Variants in ITGB3BP observed in about 807,000 individuals in gnomAD.
ITGB3BP encodes the protein integrin subunit beta 3 binding protein, also known as centromere protein R.
ITGB3BP carries 27 observed loss-of-function variants against 29.1 expected under a neutral mutation model. The ratio of observed to expected loss-of-function variants is 0.93; its 90% CI spans 0.68 to 1.28. The LOEUF is 1.28. Among genes scored for constraint, ITGB3BP ranks in the 50% most tolerant of loss-of-function variants. ITGB3BP has a pLI of 0.00. For synonymous variants in ITGB3BP, 61 were observed against 61.4 expected (o/e 0.99, Z 0.03); for missense variants, 192 against 200.2 (o/e 0.96, Z 0.25).
chr1:63,447,787 T>C (rs1644807056), intron 7 of ITGB3BP: 1 of 359,824 alleles, frequency 2.8e-6, no homozygotes, highest in African/African-American at 2.1e-5. Flanking sequence ...CTCAGGGATC[T>C]AGAACTAGAA....
chr1:63,463,735 G>GT (rs1391487546), intron 4 of ITGB3BP, among the ~76,000 whole-genome samples: 6 of 152,068 alleles, frequency 3.9e-5, no homozygotes, highest in Admixed American at 1.3e-4. Flanking sequence ...ACGTGTAGCT[G>GT]TTTTTTTACA....
intron 4 of ITGB3BP, among the ~76,000 whole-genome samples, chr1:63,471,130 C>T (rs1164607803): frequency 1.3e-5 from 2 of 152,194 alleles, no homozygotes; most frequent in South Asian, 2.1e-4. Context: ...CAAATCTTTT[C>T]ACGCTGGGCT....
upstream of ITGB3BP, among the ~76,000 whole-genome samples, chr1:63,526,973 C>T (rs1646602909): frequency 6.6e-6 from 1 of 152,210 alleles, no homozygotes; most frequent in Admixed American, 6.5e-5. Context: ...CCATGTTGGC[C>T]AGGCTGGTCT....
At chr1:63,523,260 C>A, upstream of ITGB3BP, 1 of 1,278,526 alleles carries the variant, frequency 7.8e-7, no homozygotes, top group Non-Finnish European at 1.1e-6. Context: ...TCAAGCCCAC[C>A]GCGGCCGGGC....
chr1:63,487,080 T>C (rs772531125), intron 3 of ITGB3BP, among the ~76,000 whole-genome samples: 15 of 152,080 alleles, frequency 9.9e-5, no homozygotes, highest in Non-Finnish European at 1.8e-4. Context: ...TTAGTTTTGA[T>C]AAATTTTATT....
chr1:63,513,296 G>A (rs1646241310), intron 1 of ITGB3BP, among the ~76,000 whole-genome samples: 1 of 151,996 alleles, frequency 6.6e-6, no homozygotes, highest in African/African-American at 2.4e-5. Flanking sequence ...AGATTTTTAT[G>A]TTAGCCAATG....
intron 4 of ITGB3BP, among the ~76,000 whole-genome samples, chr1:63,474,622 G>T (rs1645296922): frequency 6.6e-6 from 1 of 151,962 alleles, no homozygotes; most frequent in Non-Finnish European, 1.5e-5. Context: ...TCTGAAACAT[G>T]TGCTGTGTCC....
chr1:63,482,649 A>AATT (rs1423439315), intron 3 of ITGB3BP, among the ~76,000 whole-genome samples: 6 of 129,836 alleles, frequency 4.6e-5, no homozygotes, highest in African/African-American at 1.8e-4. Context: ...AACAATGTTA[A>AATT]TTTTTTTTTT....
upstream of ITGB3BP, chr1:63,523,521 G>C (rs1646513530): frequency 3.5e-6 from 1 of 284,894 alleles, no homozygotes; most frequent in Admixed American, 4.8e-5. Context: ...TGGCGGTGAG[G>C]TGCAGTTGCC....
chr1:63,457,930 G>C (rs1321792969), intron 4 of ITGB3BP: 2 of 152,036 alleles, frequency 1.3e-5, no homozygotes, highest in African/African-American at 4.8e-5. Context: ...TTTCATCGTA[G>C]AGTAAAAACC....
chr1:63,484,370 C>T (rs769917575), intron 3 of ITGB3BP, among the ~76,000 whole-genome samples: 5 of 151,768 alleles, frequency 3.3e-5, no homozygotes, highest in Non-Finnish European at 5.9e-5. Flanking sequence ...TAGGAAGGGA[C>T]GACTGTATAA....
intron 2 of ITGB3BP, among the ~76,000 whole-genome samples, chr1:63,495,722 C>CA (rs1038662385): frequency 1.3e-5 from 2 of 151,922 alleles, no homozygotes; most frequent in African/African-American, 4.8e-5. Flanking sequence ...GCTATTCAAG[C>CA]AAAAAAAGTG....
chr1:63,470,637 T>C (rs1163979380), intron 4 of ITGB3BP, among the ~76,000 whole-genome samples: 1 of 152,236 alleles, frequency 6.6e-6, no homozygotes, highest in African/African-American at 2.4e-5. Flanking sequence ...AATACCATAA[T>C]TTGTTTATCC....
chr1:63,477,716 AG>A (rs1286308242), intron 4 of ITGB3BP, among the ~76,000 whole-genome samples: 3 of 148,010 alleles, frequency 2.0e-5, no homozygotes, highest in Non-Finnish European at 4.5e-5. Context: ...TGAGACAATC[AG>A]GGAAAAAAAA....
chr1:63,511,977 AT>A (rs546371773), intron 1 of ITGB3BP, among the ~76,000 whole-genome samples: 14 of 151,962 alleles, frequency 9.2e-5, no homozygotes, highest in Admixed American at 2.0e-4. Context: ...AAAATAGATA[AT>A]TTTTTTAAAG....
chr1:63,502,147 G>C (rs1386727589), intron 2 of ITGB3BP, among the ~76,000 whole-genome samples: 6 of 152,148 alleles, frequency 3.9e-5, no homozygotes, highest in Admixed American at 6.5e-5. Flanking sequence ...GCAACAGTTT[G>C]TAATATATAA....
At chr1:63,450,199 T>C (rs1216566783) in intron 7 of ITGB3BP, among the ~76,000 whole-genome samples, 3 of 151,938 alleles carry the variant, frequency 2.0e-5, no homozygotes, top group Admixed American at 6.6e-5. Flanking sequence ...TATTTTCTAT[T>C]ACAAACAGCT....
At chr1:63,496,153 T>C (rs1208526609) in intron 2 of ITGB3BP, among the ~76,000 whole-genome samples, 1 of 151,206 alleles carries the variant, frequency 6.6e-6, no homozygotes, top group Admixed American at 6.6e-5. Context: ...AGTGCAGTGG[T>C]GCGATCACGG....
At chr1:63,481,920 T>A (rs143191806) in intron 3 of ITGB3BP, among the ~76,000 whole-genome samples, 6 of 152,162 alleles carry the variant, frequency 3.9e-5, no homozygotes, top group Non-Finnish European at 8.8e-5. Context: ...TGAGTGAGGA[T>A]TGAAACCCAG....
Sources: gnomAD v4.1 joint callset for allele counts (sites outside exome capture counted in the v4.1 genomes callset) on GRCh38, gnomAD v4.1.1 for gene constraint, MANE v1.5 for transcripts, NCBI Gene and HGNC (gene_info 2026-07-23, HGNC 2026-07-21) for gene names.